Variants in NUAK2 observed in about 807,000 individuals in gnomAD.
NUAK2 encodes the protein NUAK family SNF1-like kinase 2.
In NUAK2, 20 loss-of-function variants were observed where a neutral mutation model predicts 29.8. The observed-to-expected ratio is 0.67, with a 90% CI of 0.47 to 0.98. NUAK2 has a LOEUF of 0.98. NUAK2 is among the 50% of genes least tolerant of loss of function. The pLI is 0.00. For missense variants in NUAK2, 719 were observed against 834.5 expected (o/e 0.86, Z 1.71); for synonymous variants, 331 against 342.6 (o/e 0.97, Z 0.37).
At chr1:205,306,333 A>C (rs774548410) in intron 4 of NUAK2, 26 bp from the exon 5 acceptor site, 1 of 1,600,934 alleles carries the variant, frequency 6.2e-7, no homozygotes, top group South Asian at 1.1e-5. Context: ...AAACACGGGC[A>C]CAGGTCATGT....
Position 205,304,316 on chromosome 1 carries a change from G to A in NUAK2, c.1021C>T (p.Arg341Cys), listed in dbSNP as rs756497760. ...SMADWLRRSS[R>C]PLLENGAKVC... ...TTGGCCCCATTCTCCAGGAGGGGGC[G>A]GGAGGAACGCCGGAGCCAGTCAGCC... is the stretch of plus-strand genomic sequence containing the variant. The change falls in exon 7 of 7, where the codon CGC (arginine) becomes TGC (cysteine). Residue 341 changes from arginine to cysteine, a missense_variant. Around this residue, in one of 3 missense-constraint regions of NUAK2, gnomAD observed 430 missense variants for 465.7 expected, o/e 0.92. Coordinates refer to ENST00000367157, the MANE Select transcript of NUAK2 (RefSeq NM_030952.3). The surrounding 1 kb of genome is among the most constrained non-coding windows in gnomAD (Gnocchi z 6.5). 14 of 1,610,294 alleles carry A rather than the reference G, an allele frequency of 8.7e-6. No homozygotes were observed. Among genetic ancestry groups the A allele is most frequent in the Admixed American group, 3.3e-5 (2 of 59,836 alleles).
chr1:205,311,975 G>A (rs1351822996), intron 1 of NUAK2, 150 bp from the exon 2 acceptor site: 7 of 954,672 alleles, frequency 7.3e-6, no homozygotes, highest in Admixed American at 2.5e-5. Context: ...AGGTGGCAGA[G>A]AGGCTGGAGA....
chr1:205,307,505 G>A (rs1187412446), intron 4 of NUAK2, among the ~76,000 whole-genome samples: 1 of 152,164 alleles, frequency 6.6e-6, no homozygotes, highest in Non-Finnish European at 1.5e-5. Flanking sequence ...TATGTCCTGG[G>A]TTCAGGAAGA....
intron 4 of NUAK2, among the ~76,000 whole-genome samples, chr1:205,307,410 C>T (rs1477910408): frequency 1.3e-5 from 2 of 152,182 alleles, no homozygotes; most frequent in Non-Finnish European, 2.9e-5. Flanking sequence ...GAAAGCCCCA[C>T]CTGCTCCGGG....
At chr1:205,313,072 GA>G (rs1662277685) in intron 1 of NUAK2, among the ~76,000 whole-genome samples, 1 of 152,144 alleles carries the variant, frequency 6.6e-6, no homozygotes, top group Non-Finnish European at 1.5e-5. Flanking sequence ...TGGGGGAGGG[GA>G]AATGGGGAGG....
chr1:205,305,491 G>A (rs1230013127), intron 5 of NUAK2, 160 bp from the exon 6 acceptor site: 51 of 985,326 alleles, frequency 5.2e-5, no homozygotes, highest in Non-Finnish European at 5.9e-5. Context: ...GTTGTCAATC[G>A]CATTTCCTGC....
rs1428509471 is a variant in NUAK2, at chr1:205,308,831, C to T, written c.353-99G>A. The T allele has an allele frequency of 1.3e-5, 17 of 1,357,160 alleles. No homozygotes were observed. The highest frequency in any genetic ancestry group is 9.6e-5 in the East Asian group (4 of 41,820). The allele number at this position is 1,357,160 out of a possible 1,614,324, so 84.1% of individuals were successfully genotyped here. On this transcript the variant is annotated intron_variant, in intron 2 of 6. Coordinates refer to ENST00000367157, the MANE Select transcript of NUAK2 (RefSeq NM_030952.3). This position sits in a 1 kb window ranked among gnomAD's most constrained non-coding sequence, Gnocchi z 4.1. ...CCCCGACCCCAGGCCCCAAACCAGA[C>T]AGGACCCCCCTCCAGGAATATCTGC...
Position 205,309,363 on chromosome 1 carries a change from G to T in NUAK2, c.353-631C>A, listed in dbSNP as rs1303123967. Among the ~76,000 whole-genome samples, 3 of 152,342 alleles carry T rather than the reference G, an allele frequency of 2.0e-5. No individual in the cohort carries two copies. In the South Asian group the frequency reaches 6.2e-4, roughly 32 times the overall value. The stretch of plus-strand genomic sequence containing the variant: ...ATTTATTGAGACAGAGTCTCGCTCT[G>T]TCACCTAGGCTGGAGTGCAGTGGCG... On this transcript the variant is annotated intron_variant, in intron 2 of 6. Coordinates refer to ENST00000367157, the MANE Select transcript of NUAK2 (RefSeq NM_030952.3).
chr1:205,309,414 C>T (rs563296941), intron 2 of NUAK2, among the ~76,000 whole-genome samples: 1 of 152,272 alleles, frequency 6.6e-6, no homozygotes, highest in South Asian at 2.1e-4. Context: ...GCAACCTCCA[C>T]CTCCCAGGCT....
intron 1 of NUAK2, among the ~76,000 whole-genome samples, chr1:205,313,528 C>T (rs1662283264): frequency 6.6e-6 from 1 of 152,212 alleles, no homozygotes; most frequent in Non-Finnish European, 1.5e-5. Context: ...GCTCCACCCT[C>T]CTCAGCAGCA....
Position 205,321,524 on chromosome 1 carries a change from C to T in NUAK2, c.105G>A (p.Met35Ile). Reference sequence around the variant, plus strand: ...GGTGCCGCTTCACCGCCTGCTTCTTCATTAGGGGCTTGGGCGACTTGATCA... The same window carrying T: ...GGTGCCGCTTCACCGCCTGCTTCTTTATTAGGGGCTTGGGCGACTTGATCA... ...EGLIKSPKPL[M>I]KKQAVKRHHH... is the part of the protein sequence containing the mutation. The change falls in exon 1 of 7, where the codon ATG becomes ATA. Residue 35 changes from methionine to isoleucine, a missense_variant. Around this residue, in one of 3 missense-constraint regions of NUAK2, gnomAD observed 283 missense variants for 345.6 expected, o/e 0.82. Transcript: ENST00000367157. The T allele has an allele frequency of 1.9e-6, 3 of 1,614,010 alleles. No homozygotes were observed. Among genetic ancestry groups the T allele is most frequent in the Middle Eastern group, 1.6e-4 (1 of 6,062 alleles).
intron 1 of NUAK2, among the ~76,000 whole-genome samples, chr1:205,313,648 C>A (rs933169190): frequency 6.6e-6 from 1 of 151,944 alleles, no homozygotes; most frequent in African/African-American, 2.4e-5. Context: ...CAGTCCCCAC[C>A]CCTTCTCAGA....
At chr1:205,311,616 T>C (rs1490731106) in intron 2 of NUAK2, 89 bp downstream of exon 2, 19 of 1,532,028 alleles carry the variant, frequency 1.2e-5, no homozygotes, top group Non-Finnish European at 1.7e-5. Flanking sequence ...TTCTTTATGT[T>C]GTTTCTTCTG....
rs1011911373 is a variant in NUAK2, at chr1:205,302,201, A to C, written c.*1249T>G. On this transcript the variant is annotated 3_prime_UTR_variant, in exon 7 of 7. Coordinates refer to ENST00000367157, the MANE Select transcript of NUAK2 (RefSeq NM_030952.3). The stretch of plus-strand genomic sequence containing the variant: ...AGGAGGTGGAAATAGTTGCAAAAAT[A>C]TCTCTCTGTACACAAAACTTAGATG... 2 of 152,640 alleles carry C rather than the reference A, an allele frequency of 1.3e-5. No homozygotes were observed. The highest frequency in any genetic ancestry group is 3.9e-4 in the East Asian group (2 of 5,194). The allele number at this position is 152,640 out of a possible 1,614,324, so 9.5% of individuals were successfully genotyped here.
chr1:205,317,448 C>T lies in NUAK2; in HGVS notation c.231+3950G>A, dbSNP rs142214524. Among the ~76,000 whole-genome samples, 216 of 152,288 alleles carry T rather than the reference C, an allele frequency of 1.4e-3. 2 individuals are homozygous for T. The highest frequency in any genetic ancestry group is 0.013 in the East Asian group (66 of 5,174). On this transcript the variant is annotated intron_variant, in intron 1 of 6. Transcript: ENST00000367157. ...CGGAGGAGAGGTTGGGCTGGGTTGGCCCAGGCTGGGCAGAGTGGGGGTGGG... is the reference window on the plus strand; with the variant it reads ...CGGAGGAGAGGTTGGGCTGGGTTGGTCCAGGCTGGGCAGAGTGGGGGTGGG...
Position 205,308,001 on chromosome 1 carries a change from G to T in NUAK2, c.570+164C>A, listed in dbSNP as rs1323362569. 1.8e-6 allele frequency: 1 copy of T among 566,394 alleles called. No homozygotes were observed. The highest frequency in any genetic ancestry group is 3.1e-6 in the Non-Finnish European group (1 of 318,368). The allele number at this position is 566,394 out of a possible 1,614,324, so 35.1% of individuals were successfully genotyped here. On this transcript the variant is annotated intron_variant, in intron 4 of 6. Transcript: ENST00000367157. This position sits in a 1 kb window ranked among gnomAD's most constrained non-coding sequence, Gnocchi z 4.1. Reference sequence around the variant, plus strand: ...TCCAGCTCTCCATCCACACAATGAGGTGTTGGAATGGATGATGGCTGAGGT... The same window carrying T: ...TCCAGCTCTCCATCCACACAATGAGTTGTTGGAATGGATGATGGCTGAGGT...
intron 4 of NUAK2, 128 bp from the exon 5 acceptor site, chr1:205,306,435 C>G: frequency 8.2e-7 from 1 of 1,216,274 alleles, no homozygotes; most frequent in South Asian, 1.5e-5. Context: ...TCCCCATGAC[C>G]CTTACCCCAC....
At chr1:205,306,085 CT>C (rs1662175860) in intron 5 of NUAK2, 102 bp downstream of exon 5, 2 of 1,446,272 alleles carry the variant, frequency 1.4e-6, no homozygotes, top group Non-Finnish European at 1.9e-6. Flanking sequence ...GAGAGTTGTG[CT>C]CTGAAAATGT....
rs375897158 is a variant in NUAK2, at chr1:205,321,674, T to C, written c.-46A>G. ...GGGCGGCAGGGGAATCAGTAGGCTG[T>C]GCGGGGAGGGCTGAAGCGCGGGGCA... On this transcript the variant is annotated 5_prime_UTR_variant, in exon 1 of 7. Coordinates refer to ENST00000367157, the MANE Select transcript of NUAK2 (RefSeq NM_030952.3). 66 of 1,524,584 alleles carry C rather than the reference T, an allele frequency of 4.3e-5. No homozygotes were observed. In the African/African-American group the frequency reaches 6.5e-4, roughly 15 times the overall value. 94.4% of individuals were successfully genotyped at this position (1,524,584 alleles called of 1,614,324 possible).
Sources: allele counts gnomAD v4.1 joint callset (sites outside exome capture counted in the v4.1 genomes callset), GRCh38; gene constraint gnomAD v4.1.1; regional missense constraint gnomAD v4.1.1; non-coding constraint Gnocchi (gnomAD v3.1); transcripts MANE v1.5; gene names NCBI Gene and HGNC (gene_info 2026-07-23, HGNC 2026-07-21).